JAK2: variants seen among roughly 807,000 people sequenced by gnomAD.
The protein encoded by JAK2 is tyrosine-protein kinase JAK2.
Under a neutral mutation model 139.3 loss-of-function variants are expected in JAK2, and 86 were observed. The ratio of observed to expected loss-of-function variants is 0.62; its 90% confidence interval spans 0.52 to 0.74. The LOEUF (loss-of-function observed/expected upper bound fraction) is 0.74. Ranked by LOEUF, JAK2 falls within the 30% of genes least tolerant of loss-of-function variation. The probability of loss-of-function intolerance (pLI) is 0.00; values close to 1 mark genes in which losing one functional copy is unlikely to be tolerated. For missense variants in JAK2, 1,421 were observed against 1,360.3 expected (o/e 1.04, Z -0.70); for synonymous variants, 490 against 437.7 (o/e 1.12, Z -1.49).
chr9:5,117,875 A>G (rs1823326368), intron 22 of JAK2, among the ~76,000 whole-genome samples: 1 of 152,202 alleles, frequency 6.6e-6, no homozygotes, highest in African/African-American at 2.4e-5. Flanking sequence ...GCAGCTAATT[A>G]GATTTTATGA....
At chr9:5,113,877 C>T (rs933804891) in intron 22 of JAK2, 45 of 212,320 alleles carry the variant, frequency 2.1e-4, no homozygotes, top group South Asian at 1.1e-3. Context: ...CCCTCCCCAC[C>T]GTGAAGATCT....
intron 10 of JAK2, among the ~76,000 whole-genome samples, chr9:5,067,691 A>C (rs755276213): frequency 6.6e-6 from 1 of 152,058 alleles, no homozygotes; most frequent in African/African-American, 2.4e-5. Flanking sequence ...TGTATGTGCC[A>C]AGCCTAATAT....
intron 11 of JAK2, 73 bp from the exon 12 acceptor site, chr9:5,069,852 T>A: frequency 1.0e-6 from 1 of 979,030 alleles, no homozygotes; most frequent in South Asian, 2.2e-5. Flanking sequence ...ACACATTTCA[T>A]TTTACTCCTC....
chr9:5,055,710 C>T lies in JAK2; in HGVS notation c.978C>T (p.Val326=), dbSNP rs745578813. ...GCGATTTTCCTAATATTATTGATGT[C>T]AGTATTAAGCAAGCAAACCAAGAGG... is the stretch of plus-strand genomic sequence containing the variant. The part of the protein sequence containing the change: ...LYCDFPNIID[V]SIKQANQEGS... The change falls in exon 8 of 25, where the codon GTC becomes GTT. Residue 326 remains valine (V), a synonymous_variant. Transcript: ENST00000381652. The T allele has an allele frequency of 3.8e-6, 6 of 1,587,846 alleles. 1 individual carries two copies. In the South Asian group the frequency reaches 5.5e-5, roughly 15 times the overall value.
intron 2 of JAK2, among the ~76,000 whole-genome samples, chr9:5,009,241 C>T (rs1462063445): frequency 6.6e-6 from 1 of 152,070 alleles, no homozygotes; most frequent in Non-Finnish European, 1.5e-5. Flanking sequence ...GAGAACGATC[C>T]ATTTATTTAT....
rs757690445 is a variant in JAK2, at chr9:5,077,566, G to A, written c.1978G>A (p.Ala660Thr). 2 of 1,484,180 alleles carry A rather than the reference G, an allele frequency of 1.3e-6. No individual in the cohort carries two copies. The highest frequency in any genetic ancestry group is 2.5e-5 in the Admixed American group (1 of 40,672). 91.9% of individuals were successfully genotyped at this position (1,484,180 alleles called of 1,614,324 possible). Residue 660 changes from alanine (A) to threonine (T), a missense_variant, in exon 15 of 25, where the codon GCC becomes ACC. By Grantham distance (58) the Ala-to-Thr change is moderately conservative. Coordinates refer to ENST00000381652, the MANE Select transcript of JAK2 (RefSeq NM_004972.4). ...KLEVAKQLAWAMHFLEENTLI... is the reference protein window; with the variant it reads ...KLEVAKQLAWTMHFLEENTLI... ...TGAAGTTGCTAAACAGTTGGCATGG[G>A]CCATGCATTTTCTAGTAAGTAGTAC...
chr9:5,041,582 G>T, intron 4 of JAK2: 1 of 503,268 alleles, frequency 2.0e-6, no homozygotes. Context: ...ACTACGTGCG[G>T]CGCCTGGACT....
At chr9:5,038,998 G>A (rs1342402106) in intron 4 of JAK2, among the ~76,000 whole-genome samples, 3 of 152,036 alleles carry the variant, frequency 2.0e-5, no homozygotes, top group Non-Finnish European at 4.4e-5. Flanking sequence ...GAATGGCAAG[G>A]AACTTCCTCA....
At chr9:5,057,046 T>C (rs1322511621) in intron 8 of JAK2, among the ~76,000 whole-genome samples, 5 of 152,260 alleles carry the variant, frequency 3.3e-5, no homozygotes, top group Middle Eastern at 3.4e-3. Context: ...CTGGGAAGAG[T>C]TGACATTTCT....
intron 2 of JAK2, among the ~76,000 whole-genome samples, chr9:5,001,881 T>G (rs1820947972): frequency 6.6e-6 from 1 of 152,062 alleles, no homozygotes; most frequent in African/African-American, 2.4e-5. Flanking sequence ...AGGTTTCTGT[T>G]TCTTCCTATG....
chr9:5,105,266 C>T (rs1586803846), intron 22 of JAK2, among the ~76,000 whole-genome samples: 1 of 152,266 alleles, frequency 6.6e-6, no homozygotes, highest in South Asian at 2.1e-4. Flanking sequence ...ACACCCATAA[C>T]AGACAAACAT....
At chr9:5,072,690 T>G in intron 13 of JAK2, 64 bp downstream of exon 13, 1 of 1,211,782 alleles carries the variant, frequency 8.3e-7, no homozygotes, top group Non-Finnish European at 1.1e-6. Context: ...CTCATATGCA[T>G]ACAACGTACT....
intron 9 of JAK2, among the ~76,000 whole-genome samples, chr9:5,065,443 T>C (rs1312027488): frequency 6.6e-6 from 1 of 152,228 alleles, no homozygotes. Context: ...ACAAGATATA[T>C]ATGATGTCCA....
intron 8 of JAK2, 51 bp from the exon 9 acceptor site, chr9:5,064,832 A>G: frequency 7.4e-7 from 1 of 1,356,776 alleles, no homozygotes; most frequent in South Asian, 1.6e-5. Flanking sequence ...AATATTTAAC[A>G]TGGAGTTGAC....
chr9:5,002,753 C>T (rs1820999531), intron 2 of JAK2, among the ~76,000 whole-genome samples: 1 of 151,556 alleles, frequency 6.6e-6, no homozygotes, highest in Non-Finnish European at 1.5e-5. Flanking sequence ...GTTTTATTTC[C>T]CTCTTTACAT....
chr9:5,115,243 G>A (rs995087675), intron 22 of JAK2, among the ~76,000 whole-genome samples: 13 of 152,148 alleles, frequency 8.5e-5, no homozygotes, highest in African/African-American at 2.7e-4. Flanking sequence ...ATCAAAAAGT[G>A]GGTAAAGGAT....
chr9:5,022,878 G>A (rs990691292), intron 3 of JAK2, among the ~76,000 whole-genome samples: 1 of 152,118 alleles, frequency 6.6e-6, no homozygotes, highest in Non-Finnish European at 1.5e-5. Flanking sequence ...AAGAATAGTC[G>A]TATGATTTTA....
At chr9:5,000,856 G>T (rs77692052) in intron 2 of JAK2, among the ~76,000 whole-genome samples, 1,617 of 152,260 alleles carry the variant, frequency 0.011, 30 homozygotes, top group African/African-American at 0.038. Context: ...ACTTGATAAC[G>T]TATTGGTTGG....
At chr9:5,079,826 A>C (rs1563982887) in intron 16 of JAK2, among the ~76,000 whole-genome samples, 2 of 152,080 alleles carry the variant, frequency 1.3e-5, no homozygotes, top group South Asian at 4.1e-4. Context: ...CTCAAAAAAA[A>C]AATTTTTTTT....
Sources: allele counts gnomAD v4.1 joint callset (sites outside exome capture counted in the v4.1 genomes callset), GRCh38; gene constraint gnomAD v4.1.1; transcripts MANE v1.5; gene names NCBI Gene and HGNC (gene_info 2026-07-23, HGNC 2026-07-21).